Variants in ZNF678 observed in about 807,000 individuals in gnomAD.
ZNF678 encodes zinc finger protein 678, also known as hypothetical protein MGC42493.
A neutral mutation model predicts 3.0 loss-of-function variants in ZNF678; 5 were observed. The observed-to-expected ratio is 1.69, with a 90% CI of 0.88 to 3.56. The LOEUF (loss-of-function observed/expected upper bound fraction) is 3.56. Among genes scored for constraint, ZNF678 ranks in the 30% most tolerant of loss-of-function variants. The pLI is 0.00. For synonymous variants in ZNF678, 218 were observed against 199.6 expected, an observed-to-expected ratio of 1.09 and a Z score of -0.78; for missense variants, 593 against 605.0, an observed-to-expected ratio of 0.98 and a Z score of 0.21.
chr1:227,638,292 A>G lies in ZNF678; in HGVS notation c.-163-8252A>G, dbSNP rs550526245. Among the ~76,000 whole-genome samples the G allele has an allele frequency of 6.6e-6, 1 of 152,334 alleles. No individual in the cohort carries two copies. Among genetic ancestry groups the G allele is most frequent in the East Asian group, 1.9e-4 (1 of 5,188 alleles). On this transcript the variant is annotated intron_variant, in intron 1 of 3. Transcript: ENST00000343776. The surrounding 1 kb of genome is among the most constrained non-coding windows in gnomAD (Gnocchi z 4.2). ...TGGAGGGAATTGCGGAAAGTGAAGT[A>G]TATGGGTCAGGAACTACTAGACAGC...
chr1:227,593,502 G>A (rs571377634), intron 1 of ZNF678, among the ~76,000 whole-genome samples: 28 of 152,164 alleles, frequency 1.8e-4, no homozygotes, highest in Non-Finnish European at 3.5e-4. Flanking sequence ...CTCCTGGTTG[G>A]CACTGGGGTC....
In ZNF678 at chr1:227,655,266, A is replaced by G. The variant is rs1438278143; in HGVS notation, c.1016A>G (p.His339Arg). ...AATCGGTGTTCACACCTAAGTAGCC[A>G]TAAGAGAATTCATACTGGAGAGAAA... ...TFNRCSHLSS[H>R]KRIHTGEKPY... The change falls in exon 4 of 4, where the codon CAT becomes CGT. Residue 339 changes from histidine (H) to arginine (R), a missense_variant. By Grantham distance (29) the His-to-Arg change is conservative (BLOSUM62 0). Coordinates refer to ENST00000343776, the MANE Select transcript of ZNF678 (RefSeq NM_001367909.1). 2 of 1,612,394 alleles carry G rather than the reference A, an allele frequency of 1.2e-6. No individual in the cohort carries two copies. The highest frequency in any genetic ancestry group is 1.7e-5 in the Admixed American group (1 of 59,784).
At chr1:227,574,769 C>T (rs1325998076) in intron 1 of ZNF678, among the ~76,000 whole-genome samples, 1 of 152,070 alleles carries the variant, frequency 6.6e-6, no homozygotes, top group Non-Finnish European at 1.5e-5. Context: ...CCTAGGTTGT[C>T]TTCTGGGGTT....
intron 2 of ZNF678, among the ~76,000 whole-genome samples, chr1:227,650,732 C>T (rs1305119642): frequency 1.3e-5 from 2 of 151,746 alleles, no homozygotes; most frequent in Admixed American, 6.6e-5. Context: ...TAGATGTTAC[C>T]GTAAATGAGT....
At chr1:227,594,572 A>G (rs1657511356) in intron 1 of ZNF678, among the ~76,000 whole-genome samples, 1 of 152,234 alleles carries the variant, frequency 6.6e-6, no homozygotes, top group Non-Finnish European at 1.5e-5. Context: ...AAAACAAAGT[A>G]TACATATTTT....
chr1:227,669,994 A>G (rs1393155535), intron 5 of ZNF678, among the ~76,000 whole-genome samples: 1 of 152,240 alleles, frequency 6.6e-6, no homozygotes, highest in Non-Finnish European at 1.5e-5. Context: ...ACGTACATTT[A>G]CACCATGGAA....
At chr1:227,597,084 C>T (rs779033960) in intron 1 of ZNF678, among the ~76,000 whole-genome samples, 3 of 152,072 alleles carry the variant, frequency 2.0e-5, no homozygotes, top group African/African-American at 4.8e-5. Flanking sequence ...TGAGAAAATC[C>T]TGCCTCATTC....
intron 5 of ZNF678, among the ~76,000 whole-genome samples, chr1:227,669,413 G>T (rs1355811422): frequency 6.6e-6 from 1 of 152,012 alleles, no homozygotes; most frequent in African/African-American, 2.4e-5. Context: ...GAGGCGGGTG[G>T]ATCACGAGGT....
chr1:227,672,160 T>C, intron 5 of ZNF678, among the ~76,000 whole-genome samples: 1 of 152,228 alleles, frequency 6.6e-6, no homozygotes, highest in East Asian at 1.9e-4. Context: ...TTAATTTGAA[T>C]TTTATTCCAG....
At chr1:227,640,574 C>T (rs879626472) in intron 1 of ZNF678, among the ~76,000 whole-genome samples, 19 of 152,122 alleles carry the variant, frequency 1.2e-4, no homozygotes, top group Non-Finnish European at 2.6e-4. Flanking sequence ...AGGAATTTCT[C>T]CTCATTTTTC....
intron 1 of ZNF678, among the ~76,000 whole-genome samples, chr1:227,604,682 C>T (rs1405464341): frequency 6.6e-6 from 1 of 152,158 alleles, no homozygotes; most frequent in Non-Finnish European, 1.5e-5. Flanking sequence ...AATCACTGCA[C>T]CCGGCCTCCC....
At chr1:227,592,382 C>G (rs1657439436) in intron 1 of ZNF678, among the ~76,000 whole-genome samples, 1 of 152,138 alleles carries the variant, frequency 6.6e-6, no homozygotes, top group Admixed American at 6.5e-5. Flanking sequence ...GACATGGGGG[C>G]CAGACTTTGG....
At chr1:227,604,464 C>T (rs1657815047) in intron 1 of ZNF678, among the ~76,000 whole-genome samples, 1 of 152,184 alleles carries the variant, frequency 6.6e-6, no homozygotes, top group Non-Finnish European at 1.5e-5. Context: ...TGGCTCACTG[C>T]TGCCTCCACC....
rs761838773 is a variant in ZNF678, at chr1:227,655,448, A to G, written c.1198A>G (p.Thr400Ala). 2 of 1,612,684 alleles carry G rather than the reference A, an allele frequency of 1.2e-6. No homozygotes were observed. Among genetic ancestry groups the G allele is most frequent in the Non-Finnish European group, 8.5e-7 (1 of 1,179,248 alleles). ...SSLTQHRRIH[T>A]GVKPYKCEEC... is the part of the protein sequence containing the mutation. ...CCTTACTCAACATAGGAGAATTCATACTGGAGTGAAACCCTACAAATGTGA... is the reference window on the plus strand; with the variant it reads ...CCTTACTCAACATAGGAGAATTCATGCTGGAGTGAAACCCTACAAATGTGA... Residue 400 changes from threonine to alanine, a missense_variant, in exon 4 of 4, where the codon ACT becomes GCT. Physicochemically the swap from Thr to Ala is moderately conservative, Grantham distance 58. Transcript: ENST00000343776.
rs995827496 is a variant in ZNF678 at position 227,589,803 on chromosome 1, G to A, written c.-164+26079G>A. Among the ~76,000 whole-genome samples, 9 of 151,932 alleles carry A rather than the reference G, an allele frequency of 5.9e-5. 1 individual carries two copies. The highest frequency in any genetic ancestry group is 4.2e-4 in the South Asian group (2 of 4,806). ...TCTTTAACTATCACGCCCAGAGCAC[G>A]GGGCCGGGCTTTCTGCCTGTGGATT... On this transcript the variant is annotated intron_variant, in intron 1 of 3. Coordinates refer to ENST00000343776, the MANE Select transcript of ZNF678 (RefSeq NM_001367909.1).
rs1202647498 is a variant in ZNF678, at chr1:227,563,567, G to T, written c.-321G>T. On this transcript the variant is annotated 5_prime_UTR_variant, in exon 1 of 4. Transcript: ENST00000343776. ...GGATCTGGCGGGGCCTTTGTCTTGT[G>T]CTCCAGCTGGAGCTTTGGTCCCGTA... 3 of 746,220 alleles carry T rather than the reference G, an allele frequency of 4.0e-6. No homozygotes were observed. The highest frequency in any genetic ancestry group is 1.8e-5 in the African/African-American group (1 of 54,980). The allele number at this position is 746,220 out of a possible 1,614,324, so 46.2% of individuals were successfully genotyped here.
rs185796224 is a variant in ZNF678, at chr1:227,574,526, G to T, written c.-164+10802G>T. Among the ~76,000 whole-genome samples the T allele has an allele frequency of 6.4e-3, 965 of 150,320 alleles. 10 individuals are homozygous for T. Among genetic ancestry groups the T allele is most frequent in the African/African-American group, 0.019 (793 of 41,158 alleles). ...CACTTTTTAATGGAGTTGTGTTTTG[G>T]TTTTTTTTAAGTTCCTTATAGATGC... is the stretch of plus-strand genomic sequence containing the variant. On this transcript the variant is annotated intron_variant, in intron 1 of 3. Transcript: ENST00000343776.
intron 5 of ZNF678, among the ~76,000 whole-genome samples, chr1:227,676,428 A>G (rs1002446283): frequency 5.3e-5 from 8 of 152,234 alleles, no homozygotes; most frequent in Non-Finnish European, 1.5e-5. Context: ...TAGCAGAACT[A>G]GACTTCCAAA....
chr1:227,678,991 A>C (rs1235334569), downstream of ZNF678, among the ~76,000 whole-genome samples: 1 of 152,172 alleles, frequency 6.6e-6, no homozygotes, highest in African/African-American at 2.4e-5. Context: ...GGGGACTAGC[A>C]CAAAGATTAA....
Sources: gnomAD v4.1 joint callset for allele counts (sites outside exome capture counted in the v4.1 genomes callset) on GRCh38, gnomAD v4.1.1 for gene constraint, Gnocchi (gnomAD v3.1) non-coding constraint, MANE v1.5 for transcripts, NCBI Gene and HGNC (gene_info 2026-07-23, HGNC 2026-07-21) for gene names.